Variants in TAX1BP1 observed in about 807,000 individuals in gnomAD.
The protein encoded by TAX1BP1 is Tax1 binding protein 1.
In TAX1BP1, 62 loss-of-function variants were observed where a neutral mutation model predicts 97.7. That is an observed-to-expected ratio of 0.63 (90% confidence interval 0.52 to 0.78). The LOEUF is 0.78. TAX1BP1 is among the 30% of genes least tolerant of loss of function. The probability of loss-of-function intolerance (pLI) is 0.00; values close to 1 mark genes in which losing one functional copy is unlikely to be tolerated. For synonymous variants in TAX1BP1, 340 were observed against 304.2 expected (o/e 1.12, Z -1.23); for missense variants, 867 against 916.1 (o/e 0.95, Z 0.69).
At position 27,828,558 on chromosome 7, in the gene TAX1BP1, TGTCATATATGGACAAGTTG is replaced by T. The variant is rs968763258; in HGVS notation, c.2169-69_2169-51del. The T allele has an allele frequency of 8.2e-6, 12 of 1,461,498 alleles. No individual in the cohort carries two copies. The African/African-American group carries it at 1.5e-4, about 19-fold the overall frequency. The allele number at this position is 1,461,498 out of a possible 1,614,324, so 90.5% of individuals were successfully genotyped here. Reference sequence around the variant, plus strand: ...TCAGCTAACTAGATAAATGGAACCTTGTCATATATGGACAAGTTGTTGTTCTACATTTATTAGAAACATG... The same window carrying T: ...TCAGCTAACTAGATAAATGGAACCTTTTGTTCTACATTTATTAGAAACATG... On this transcript the variant is annotated intron_variant, in intron 16 of 16. Transcript: ENST00000396319.
Position 27,793,195 on chromosome 7 carries a change from A to C in TAX1BP1, c.1393A>C (p.Lys465Gln). ...CCAAAGGCTCCAAAAACAAATAAACAAACTTTCAGATCAATCAGTAAGTAT... is the reference window on the plus strand; with the variant it reads ...CCAAAGGCTCCAAAAACAAATAAACCAACTTTCAGATCAATCAGTAAGTAT... ...ECQRLQKQIN[K>Q]LSDQSANNNN... The change falls in exon 10 of 17, where the codon AAA becomes CAA. Residue 465 changes from lysine to glutamine, a missense_variant. Transcript: ENST00000396319. The C allele has an allele frequency of 6.3e-7, 1 of 1,586,464 alleles. No homozygotes were observed. Among genetic ancestry groups the C allele is most frequent in the African/African-American group, 1.4e-5 (1 of 72,906 alleles).
chr7:27,753,567 A>G (rs1389716082), intron 2 of TAX1BP1, among the ~76,000 whole-genome samples: 1 of 152,212 alleles, frequency 6.6e-6, no homozygotes, highest in Non-Finnish European at 1.5e-5. Flanking sequence ...CTCTATTTAC[A>G]CTGTACTTTT....
chr7:27,754,314 C>A (rs1028252368), intron 2 of TAX1BP1, among the ~76,000 whole-genome samples: 1 of 150,950 alleles, frequency 6.6e-6, no homozygotes, highest in East Asian at 1.9e-4. Context: ...CCCCTTCAGT[C>A]CTGTCTCATT....
At chr7:27,827,661 G>A in intron 15 of TAX1BP1, 77 bp from the exon 16 acceptor site, 4 of 1,153,114 alleles carry the variant, frequency 3.5e-6, no homozygotes, top group Non-Finnish European at 5.1e-6. Context: ...TATACTGTCA[G>A]TATGTGCTTG....
Position 27,787,552 on chromosome 7 carries a change from G to A in TAX1BP1, c.987G>A (p.Leu329=), listed in dbSNP as rs200588230. 1.9e-6 allele frequency: 3 copies of A among 1,612,866 alleles called. No homozygotes were observed. The highest frequency in any genetic ancestry group is 2.2e-5 in the East Asian group (1 of 44,814). Residue 329 remains leucine, a synonymous_variant, in exon 8 of 17, where the codon TTG becomes TTA. Transcript: ENST00000396319. ...AGATTGGCAGGCTGCAGTTATGTTT[G>A]GCTGAAAAGGAAAATCTGCAAAGAA... ...KEEIGRLQLC[L]AEKENLQRTF... is the part of the protein sequence containing the mutation.
chr7:27,804,581 G>A (rs1215946949), intron 13 of TAX1BP1, among the ~76,000 whole-genome samples: 1 of 152,174 alleles, frequency 6.6e-6, no homozygotes, highest in East Asian at 1.9e-4. Context: ...AGGTCCTCAG[G>A]CTACTGATAG....
intron 2 of TAX1BP1, among the ~76,000 whole-genome samples, chr7:27,757,560 G>T (rs1027686148): frequency 6.6e-5 from 10 of 152,038 alleles, no homozygotes; most frequent in Admixed American, 5.2e-4. Flanking sequence ...AGGTGAATTT[G>T]TAATGCATGT....
At chr7:27,808,485 T>C (rs1235097954) in intron 13 of TAX1BP1, among the ~76,000 whole-genome samples, 1 of 152,214 alleles carries the variant, frequency 6.6e-6, no homozygotes, top group East Asian at 1.9e-4. Flanking sequence ...TTCATTTTTT[T>C]GGTGGGTAGG....
At chr7:27,827,883 C>T in intron 16 of TAX1BP1, 63 bp downstream of exon 16, 1 of 1,456,570 alleles carries the variant, frequency 6.9e-7, no homozygotes, top group East Asian at 2.3e-5. Flanking sequence ...CAAAGGTGGT[C>T]CTTGGGAACT....
intron 5 of TAX1BP1, among the ~76,000 whole-genome samples, chr7:27,771,692 G>C (rs968548702): frequency 9.2e-5 from 14 of 152,014 alleles, no homozygotes; most frequent in African/African-American, 3.4e-4. Flanking sequence ...TTCAGCAGAA[G>C]TTTTTATGCC....
chr7:27,809,299 G>T (rs780816185), intron 13 of TAX1BP1, among the ~76,000 whole-genome samples: 6 of 152,214 alleles, frequency 3.9e-5, no homozygotes, highest in Non-Finnish European at 5.9e-5. Context: ...AATGTAATAT[G>T]AAACAAATCT....
At position 27,792,172 on chromosome 7, in the gene TAX1BP1, A is replaced by G; in HGVS notation, c.1205A>G (p.Lys402Arg). 3 of 1,613,896 alleles carry G rather than the reference A, an allele frequency of 1.9e-6. No individual in the cohort carries two copies. Among genetic ancestry groups the G allele is most frequent in the Non-Finnish European group, 2.5e-6 (3 of 1,179,992 alleles). The change falls in exon 9 of 17, where the codon AAA becomes AGA. Residue 402 changes from lysine to arginine, a missense_variant. Lys to Arg is a conservative substitution (Grantham distance 26). This residue lies in a region of TAX1BP1 where 822 missense variants were observed against 851.4 expected (regional missense o/e 0.97). Transcript: ENST00000396319. ...GCACGCTTGGAAAACGAGAAAGTGA[A>G]AAAGCAGTTAGCTGATGCAGTGGCA... is the stretch of plus-strand genomic sequence containing the variant. ...HTARLENEKV[K>R]KQLADAVAEL...
At chr7:27,753,597 G>A (rs1311042613) in intron 2 of TAX1BP1, among the ~76,000 whole-genome samples, 1 of 152,118 alleles carries the variant, frequency 6.6e-6, no homozygotes, top group African/African-American at 2.4e-5. Context: ...TCATACCTAT[G>A]ATAAAGTTTA....
At position 27,786,816 on chromosome 7, in the gene TAX1BP1, T is replaced by C. The variant is rs79195875; in HGVS notation, c.853-602T>C. On this transcript the variant is annotated intron_variant, in intron 7 of 16. Coordinates refer to ENST00000396319, the MANE Select transcript of TAX1BP1 (RefSeq NM_006024.7). ...TACTCTTAACGAAAGCAGGATATAC[T>C]TGATAGTGTACACTACAGGTCTGTA... is the stretch of plus-strand genomic sequence containing the variant. Among the ~76,000 whole-genome samples the C allele has an allele frequency of 5.8e-4, 89 of 152,338 alleles. 2 individuals carry two copies. The East Asian group carries it at 0.014, about 24-fold the overall frequency.
intron 3 of TAX1BP1, among the ~76,000 whole-genome samples, chr7:27,758,953 A>G (rs1168809321): frequency 6.6e-6 from 1 of 151,904 alleles, no homozygotes; most frequent in Non-Finnish European, 1.5e-5. Context: ...TGCTTGAGAT[A>G]GTAAATTTTA....
intron 5 of TAX1BP1, among the ~76,000 whole-genome samples, chr7:27,781,502 G>C (rs1789258107): frequency 6.6e-6 from 1 of 152,028 alleles, no homozygotes; most frequent in Non-Finnish European, 1.5e-5. Context: ...AGATATCTTA[G>C]AAAAGGAAAG....
chr7:27,828,889 TAAAATAGACC>T lies in TAX1BP1; in HGVS notation c.*62_*71del. 1 of 1,239,206 alleles carries T rather than the reference TAAAATAGACC, an allele frequency of 8.1e-7. No individual in the cohort carries two copies. Among genetic ancestry groups the T allele is most frequent in the Non-Finnish European group, 1.1e-6 (1 of 882,012 alleles). The allele number at this position is 1,239,206 out of a possible 1,614,324, so 76.8% of individuals were successfully genotyped here. A position where few individuals can be genotyped will look rare whatever the true frequency, so the allele number is the denominator to read the frequency against. On this transcript the variant is annotated 3_prime_UTR_variant, in exon 17 of 17. Transcript: ENST00000396319. ...TAAAAAAAAAAAAAAAAACCACACC[TAAAATAGACC>T]ACTGAGGAGACCATAGAGCGGATGC... is the stretch of plus-strand genomic sequence containing the variant.
chr7:27,800,186 G>T, intron 13 of TAX1BP1, 96 bp downstream of exon 13: 4 of 1,119,628 alleles, frequency 3.6e-6, no homozygotes, highest in Non-Finnish European at 4.8e-6. Context: ...TTTTAAATAT[G>T]GATAATTGAT....
At chr7:27,821,636 A>G (rs567756384) in intron 15 of TAX1BP1, among the ~76,000 whole-genome samples, 6 of 149,574 alleles carry the variant, frequency 4.0e-5, no homozygotes, top group African/African-American at 1.5e-4. Flanking sequence ...CTCGGTCTCA[A>G]AAAAAAAAAA....
Sources: gnomAD v4.1 joint callset for allele counts (sites outside exome capture counted in the v4.1 genomes callset) on GRCh38, gnomAD v4.1.1 for gene constraint, gnomAD v4.1.1 regional missense constraint, MANE v1.5 for transcripts, NCBI Gene and HGNC (gene_info 2026-07-23, HGNC 2026-07-21) for gene names.